WIPF1: variants seen among roughly 807,000 people sequenced by gnomAD.
The protein encoded by WIPF1 is WAS/WASL interacting protein family member 1.
Under a neutral mutation model 35.4 loss-of-function variants are expected in WIPF1, and 13 were observed. That is an observed-to-expected ratio of 0.37 (90% confidence interval 0.24 to 0.58). The LOEUF (loss-of-function observed/expected upper bound fraction) is 0.58, where lower values mean the gene tolerates loss of function less well. WIPF1 is among the 20% of genes least tolerant of loss of function. The pLI is 0.74. For synonymous variants in WIPF1, 267 were observed against 266.3 expected, an observed-to-expected ratio of 1.00 and a Z score of -0.02; for missense variants, 591 against 667.0, an observed-to-expected ratio of 0.89 and a Z score of 1.25.
chr2:174,645,273 A>G (rs1269371095), intron 1 of WIPF1, among the ~76,000 whole-genome samples: 1 of 152,188 alleles, frequency 6.6e-6, no homozygotes, highest in Non-Finnish European at 1.5e-5. Context: ...AATTGAAGAG[A>G]TTTGTTCAAA....
chr2:174,658,159 C>T lies in WIPF1; in HGVS notation c.-39+24615G>A, dbSNP rs191546880. Among the ~76,000 whole-genome samples the T allele has an allele frequency of 7.5e-3, 1,135 of 152,160 alleles. 6 individuals are homozygous for T. Among genetic ancestry groups the T allele is most frequent in the Non-Finnish European group, 0.013 (907 of 68,002 alleles). ...AATGAGCCAGGAACCCAATTCTCGC[C>T]TTCTAGGAGAGAGAAGAAGCTGGCC... On this transcript the variant is annotated intron_variant, in intron 1 of 8. Coordinates refer to the WIPF1 transcript ENST00000272746.
chr2:174,678,938 T>A (rs567667159), intron 1 of WIPF1, among the ~76,000 whole-genome samples: 11 of 152,240 alleles, frequency 7.2e-5, no homozygotes, highest in Non-Finnish European at 1.5e-4. Flanking sequence ...TTAATTTACA[T>A]CGAAAGCAGT....
chr2:174,575,067 T>TATAA (rs960643872), intron 4 of WIPF1, 137 bp downstream of exon 4: 1 of 1,011,232 alleles, frequency 9.9e-7, no homozygotes, highest in Non-Finnish European at 1.5e-6. Flanking sequence ...TTGAGTCTCT[T>TATAA]ATAAAACAGT....
intron 1 of WIPF1, among the ~76,000 whole-genome samples, chr2:174,633,977 A>C (rs1334997632): frequency 6.6e-6 from 1 of 152,254 alleles, no homozygotes. Context: ...AGAAAAAATA[A>C]AAAAAGGAAA....
chr2:174,595,109 A>AATATATATAT (rs1158052520), intron 1 of WIPF1, among the ~76,000 whole-genome samples: 11 of 57,738 alleles, frequency 1.9e-4, no homozygotes, highest in African/African-American at 8.1e-4. Context: ...AAAAAAAAAA[A>AATATATATAT]ATATATATAT....
intron 2 of WIPF1, among the ~76,000 whole-genome samples, chr2:174,584,970 C>A (rs1363157525): frequency 6.6e-6 from 1 of 151,330 alleles, no homozygotes; most frequent in Non-Finnish European, 1.5e-5. Flanking sequence ...CATCTAAATG[C>A]CTAAATGCAA....
chr2:174,635,159 T>C (rs1340926536), intron 1 of WIPF1, among the ~76,000 whole-genome samples: 1 of 152,224 alleles, frequency 6.6e-6, no homozygotes, highest in Non-Finnish European at 1.5e-5. Context: ...CATGTGGTCA[T>C]GCTGTCAGAC....
At chr2:174,638,831 T>C (rs894492911) in intron 1 of WIPF1, among the ~76,000 whole-genome samples, 1 of 152,192 alleles carries the variant, frequency 6.6e-6, no homozygotes, top group Non-Finnish European at 1.5e-5. Flanking sequence ...TTGTAAACAG[T>C]GCTACAATAA....
intron 3 of WIPF1, among the ~76,000 whole-genome samples, chr2:174,576,226 C>T (rs1685053942): frequency 9.1e-6 from 1 of 110,206 alleles, no homozygotes; most frequent in South Asian, 2.9e-4. Context: ...CCACTGCACT[C>T]CAGCAAAAAA....
upstream of WIPF1, among the ~76,000 whole-genome samples, chr2:174,599,600 T>TC (rs1367190536): frequency 6.6e-6 from 1 of 152,100 alleles, no homozygotes; most frequent in African/African-American, 2.4e-5. Context: ...ATCAGCCACT[T>TC]CCCGCGATAC....
rs919447072 is a variant in WIPF1, at chr2:174,622,007, C to A, written c.-38-36396G>T. On this transcript the variant is annotated intron_variant, in intron 1 of 8. Transcript: ENST00000272746. The surrounding 1 kb of genome is among the most constrained non-coding windows in gnomAD (Gnocchi z 5.1). ...CCCTCCAAATCACTGCCCACCCCAC[C>A]CTCCCTTCTCAGAGGGAGTGCAAAG... Among the ~76,000 whole-genome samples, 3 of 152,176 alleles carry A rather than the reference C, an allele frequency of 2.0e-5. No individual in the cohort carries two copies. The highest frequency in any genetic ancestry group is 4.4e-5 in the Non-Finnish European group (3 of 68,028).
chr2:174,565,549 C>A (rs1348341862), intron 7 of WIPF1, among the ~76,000 whole-genome samples: 1 of 152,204 alleles, frequency 6.6e-6, no homozygotes, highest in Non-Finnish European at 1.5e-5. Context: ...CTGGGACTGC[C>A]ATCTGTCACT....
rs572063708 is a variant in WIPF1 at position 174,585,404 on chromosome 2, C to T, written c.51+119G>A. On this transcript the variant is annotated intron_variant, in intron 2 of 7. Coordinates refer to ENST00000679041, the MANE Select transcript of WIPF1 (RefSeq NM_001375834.1). ...GGCTTACCCTGGGCACTGGGAAAGC[C>T]TGTTGTATCACATGTGAGCCAGAAT... 9 of 1,049,900 alleles carry T rather than the reference C, an allele frequency of 8.6e-6. No homozygotes were observed. The African/African-American group carries it at 1.1e-4, about 13-fold the overall frequency. The allele number at this position is 1,049,900 out of a possible 1,614,324, so 65.0% of individuals were successfully genotyped here. A position where few individuals can be genotyped will look rare whatever the true frequency, so the allele number is the denominator to read the frequency against.
chr2:174,628,418 A>C (rs947002691), intron 1 of WIPF1, among the ~76,000 whole-genome samples: 7 of 152,212 alleles, frequency 4.6e-5, no homozygotes, highest in Non-Finnish European at 1.0e-4. Flanking sequence ...CCTATTTTCC[A>C]GGCCAATACT....
chr2:174,661,053 C>T (rs948786695), intron 1 of WIPF1, among the ~76,000 whole-genome samples: 8 of 152,306 alleles, frequency 5.3e-5, no homozygotes, highest in East Asian at 1.9e-4. Flanking sequence ...CACTGCAGTC[C>T]GGCTCACAGC....
chr2:174,609,019 T>C (rs1686263840), intron 1 of WIPF1, among the ~76,000 whole-genome samples: 1 of 151,962 alleles, frequency 6.6e-6, no homozygotes, highest in South Asian at 2.1e-4. Context: ...CTAGGGGCCC[T>C]CTGACTGCAT....
At chr2:174,637,979 C>T (rs530930177) in intron 1 of WIPF1, among the ~76,000 whole-genome samples, 10 of 152,216 alleles carry the variant, frequency 6.6e-5, no homozygotes, top group African/African-American at 2.4e-4. Context: ...TGATGTTATA[C>T]CTTATAGTTG....
At chr2:174,670,853 TAC>T (rs1182088743) in intron 1 of WIPF1, among the ~76,000 whole-genome samples, 2 of 150,964 alleles carry the variant, frequency 1.3e-5, no homozygotes, top group Admixed American at 6.6e-5. Flanking sequence ...CCAAAGCACT[TAC>T]AGTCACCTGG....
chr2:174,668,110 G>A (rs1467706918), intron 1 of WIPF1, among the ~76,000 whole-genome samples: 1 of 152,194 alleles, frequency 6.6e-6, no homozygotes, highest in Non-Finnish European at 1.5e-5. Context: ...TTAAGGCACT[G>A]TTAACCTTGG....
Sources: gnomAD v4.1 joint callset for allele counts (sites outside exome capture counted in the v4.1 genomes callset) on GRCh38, gnomAD v4.1.1 for gene constraint, Gnocchi (gnomAD v3.1) non-coding constraint, MANE v1.5 for transcripts, NCBI Gene and HGNC (gene_info 2026-07-23, HGNC 2026-07-21) for gene names.